The following SCFD2 variants were observed in gnomAD, a reference collection of about 807,000 sequenced individuals.
SCFD2 encodes sec1 family domain-containing protein 2.
Under a neutral mutation model 58.9 loss-of-function variants are expected in SCFD2, and 54 were observed. The ratio of observed to expected loss-of-function variants is 0.92; its 90% CI spans 0.74 to 1.15. The LOEUF is 1.15. Ranked by LOEUF, SCFD2 falls within the 50% of genes most tolerant of loss-of-function variation. The pLI is 0.00. For missense variants in SCFD2, 805 were observed against 836.6 expected (o/e 0.96, Z 0.47); for synonymous variants, 321 against 335.9 (o/e 0.96, Z 0.49).
At chr4:52,941,667 T>C (rs17082204) in intron 5 of SCFD2, among the ~76,000 whole-genome samples, 5,416 of 152,338 alleles carry the variant, frequency 0.036, 257 homozygotes, top group African/African-American at 0.11. Context: ...AATGGCTCCA[T>C]CTGAAACAGA....
At chr4:53,175,350 T>C (rs1439349196) in intron 4 of SCFD2, among the ~76,000 whole-genome samples, 1 of 152,186 alleles carries the variant, frequency 6.6e-6, no homozygotes, top group African/African-American at 2.4e-5. Context: ...ATTGTAATGT[T>C]TTCCAAATAA....
chr4:53,210,717 T>A (rs578165710), intron 4 of SCFD2, among the ~76,000 whole-genome samples: 1 of 152,232 alleles, frequency 6.6e-6, no homozygotes, highest in East Asian at 1.9e-4. Context: ...GATATTGATT[T>A]TTGTCCATTG....
At position 52,884,365 on chromosome 4, in the gene SCFD2, G is replaced by A. The variant is rs570940732; in HGVS notation, c.1962+1382C>T. 2.6e-5 allele frequency among the ~76,000 whole-genome samples: 4 copies of A among 152,232 alleles called. No homozygotes were observed. The South Asian group carries it at 8.3e-4, about 32-fold the overall frequency. Reference sequence around the variant, plus strand: ...GGTGGCACAAAGCTGTAACCCCAGAGCACTGGGAAGATAACACCCCCAGAG... The same window carrying A: ...GGTGGCACAAAGCTGTAACCCCAGAACACTGGGAAGATAACACCCCCAGAG... On this transcript the variant is annotated intron_variant, in intron 8 of 8. Coordinates refer to ENST00000401642, the MANE Select transcript of SCFD2 (RefSeq NM_152540.4).
intron 4 of SCFD2, among the ~76,000 whole-genome samples, chr4:53,240,010 A>G (rs888390610): frequency 7.2e-5 from 11 of 152,224 alleles, no homozygotes; most frequent in African/African-American, 2.7e-4. Context: ...TCAAGCAGTC[A>G]CAAAGGTATC....
intron 4 of SCFD2, among the ~76,000 whole-genome samples, chr4:53,169,334 C>A (rs563753847): frequency 1.3e-5 from 2 of 152,094 alleles, no homozygotes; most frequent in South Asian, 4.2e-4. Flanking sequence ...TCTATTCCAG[C>A]CTGGGTGACA....
At chr4:52,956,032 T>C (rs1433131021) in intron 5 of SCFD2, 2 of 456,604 alleles carry the variant, frequency 4.4e-6, no homozygotes, top group Admixed American at 4.7e-5. Flanking sequence ...GACTTCAGAT[T>C]TGTTGGTGAA....
intron 4 of SCFD2, among the ~76,000 whole-genome samples, chr4:53,227,127 C>T (rs1729242190): frequency 6.6e-6 from 1 of 152,116 alleles, no homozygotes; most frequent in South Asian, 2.1e-4. Flanking sequence ...CTCCTCTGGC[C>T]TCTTATCTGA....
intron 3 of SCFD2, among the ~76,000 whole-genome samples, chr4:53,281,276 T>A (rs1731500712): frequency 6.6e-6 from 1 of 152,246 alleles, no homozygotes; most frequent in African/African-American, 2.4e-5. Context: ...TTTAATGTTT[T>A]TGTAAGTGCT....
At chr4:53,182,432 G>A (rs558149549) in intron 4 of SCFD2, among the ~76,000 whole-genome samples, 133 of 152,270 alleles carry the variant, frequency 8.7e-4, no homozygotes, top group African/African-American at 3.2e-3. Context: ...AATGGTGCTG[G>A]GAAAACTGGC....
intron 4 of SCFD2, among the ~76,000 whole-genome samples, chr4:53,225,549 T>G (rs1729184950): frequency 6.6e-6 from 1 of 152,228 alleles, no homozygotes; most frequent in Admixed American, 6.5e-5. Flanking sequence ...TTTATCAAGG[T>G]GAGTTGATAA....
chr4:53,345,313 G>C (rs1334436783), intron 2 of SCFD2, among the ~76,000 whole-genome samples: 1 of 152,062 alleles, frequency 6.6e-6, no homozygotes, highest in East Asian at 1.9e-4. Flanking sequence ...TCACAAAAGA[G>C]GACATTTATG....
At chr4:53,230,996 A>G (rs1179151118) in intron 4 of SCFD2, among the ~76,000 whole-genome samples, 2 of 152,112 alleles carry the variant, frequency 1.3e-5, no homozygotes, top group Non-Finnish European at 2.9e-5. Flanking sequence ...AATAAGTTAT[A>G]AAATGTCAGT....
rs573102975 is a variant in SCFD2, at chr4:52,960,742, C to T, written c.1562-39872G>A. On this transcript the variant is annotated intron_variant, in intron 5 of 8. Transcript: ENST00000401642. ...CACACACACACAACACACACACACA[C>T]ACCACACATGTGCTAATAGTACCAA... 4.6e-5 allele frequency among the ~76,000 whole-genome samples: 7 copies of T among 152,172 alleles called. No homozygotes were observed. In the East Asian group the frequency reaches 1.2e-3, roughly 25 times the overall value.
chr4:53,357,880 T>G (rs1230623925), intron 1 of SCFD2, among the ~76,000 whole-genome samples: 1 of 152,188 alleles, frequency 6.6e-6, no homozygotes, highest in Non-Finnish European at 1.5e-5. Context: ...CACACCCACA[T>G]ATGAGAGTAG....
At chr4:53,183,072 G>C (rs577279028) in intron 4 of SCFD2, among the ~76,000 whole-genome samples, 2 of 152,234 alleles carry the variant, frequency 1.3e-5, no homozygotes, top group South Asian at 4.1e-4. Flanking sequence ...AACTAGTTCA[G>C]CCATTGTGGA....
chr4:52,974,811 C>T (rs1181988555), intron 5 of SCFD2, among the ~76,000 whole-genome samples: 6 of 151,912 alleles, frequency 3.9e-5, no homozygotes, highest in Non-Finnish European at 7.4e-5. Context: ...GGTACTGGTA[C>T]CAAAACAGAG....
At chr4:53,325,058 A>G (rs1733144541) in intron 2 of SCFD2, among the ~76,000 whole-genome samples, 1 of 151,994 alleles carries the variant, frequency 6.6e-6, no homozygotes, top group Non-Finnish European at 1.5e-5. Context: ...TCTATCTCCA[A>G]CCCTAACCCA....
chr4:52,902,405 C>T (rs532972336), intron 7 of SCFD2, among the ~76,000 whole-genome samples: 70 of 152,368 alleles, frequency 4.6e-4, no homozygotes, highest in African/African-American at 1.6e-3. Context: ...CACTCTATGT[C>T]TTTCTGACAA....
At chr4:53,125,624 C>T (rs1426822269) in intron 5 of SCFD2, among the ~76,000 whole-genome samples, 2 of 152,210 alleles carry the variant, frequency 1.3e-5, no homozygotes, top group Non-Finnish European at 2.9e-5. Context: ...ACATGCCTGA[C>T]GGCAGGGCCC....
Sources: allele counts gnomAD v4.1 joint callset (sites outside exome capture counted in the v4.1 genomes callset), GRCh38; gene constraint gnomAD v4.1.1; transcripts MANE v1.5; gene names NCBI Gene and HGNC (gene_info 2026-07-23, HGNC 2026-07-21).